SETDB1: variants seen among roughly 807,000 people sequenced by gnomAD.
The protein encoded by SETDB1 is histone-lysine N-methyltransferase SETDB1.
A neutral mutation model predicts 137.4 loss-of-function variants in SETDB1; 31 were observed. The ratio of observed to expected loss-of-function variants is 0.23; its 90% CI spans 0.17 to 0.30. The LOEUF (loss-of-function observed/expected upper bound fraction) is 0.30, where lower values mean the gene tolerates loss of function less well. Among genes scored for constraint, SETDB1 ranks in the 10% least tolerant of loss-of-function variants. SETDB1 has a pLI of 1.00. For synonymous variants in SETDB1, 548 were observed against 579.9 expected, an observed-to-expected ratio of 0.95 and a Z score of 0.79; for missense variants, 1,113 against 1,631.5, an observed-to-expected ratio of 0.68 and a Z score of 5.47.
chr1:150,951,493 A>G lies in SETDB1; in HGVS notation c.2333+12A>G, dbSNP rs868447720. ...TGTCTACCCACAGGGTAAGTGGTCA[A>G]GGAATGGCACAGTACCTCAGAGAGA... On this transcript the variant is annotated intron_variant, in intron 14 of 21. Transcript: ENST00000692827. 5 of 1,365,186 alleles carry G rather than the reference A, an allele frequency of 3.7e-6. No homozygotes were observed. The highest frequency in any genetic ancestry group is 3.5e-5 in the South Asian group (3 of 86,094). 84.6% of individuals were successfully genotyped at this position (1,365,186 alleles called of 1,614,324 possible).
chr1:150,953,468 G>A (rs113414948), intron 14 of SETDB1, among the ~76,000 whole-genome samples: 7 of 151,782 alleles, frequency 4.6e-5, no homozygotes, highest in African/African-American at 1.7e-4. Flanking sequence ...GGAGGTTGCA[G>A]TGAGCCAAGA....
At chr1:150,963,199 A>G in intron 19 of SETDB1, 60 bp downstream of exon 19, 1 of 1,491,512 alleles carries the variant, frequency 6.7e-7, no homozygotes, top group South Asian at 1.2e-5. Flanking sequence ...GGGATAGAGC[A>G]TTTTTTAAGG....
At chr1:150,951,901 A>G (rs1670498319) in intron 14 of SETDB1, among the ~76,000 whole-genome samples, 1 of 152,178 alleles carries the variant, frequency 6.6e-6, no homozygotes, top group Admixed American at 6.6e-5. Flanking sequence ...TAATCCCAGC[A>G]CTTTCGGAGG....
intron 10 of SETDB1, 146 bp downstream of exon 10, chr1:150,947,158 G>T (rs1670355797): frequency 2.1e-6 from 2 of 949,884 alleles, no homozygotes; most frequent in Non-Finnish European, 3.1e-6. Flanking sequence ...TCCAATCATG[G>T]TGATCAATTT....
At chr1:150,937,526 G>A (rs1392121084) in intron 3 of SETDB1, among the ~76,000 whole-genome samples, 1 of 152,140 alleles carries the variant, frequency 6.6e-6, no homozygotes, top group Non-Finnish European at 1.5e-5. Flanking sequence ...GTTGAGGCAG[G>A]TGGATCATTT....
At chr1:150,947,097 C>T (rs1670354745) in intron 10 of SETDB1, 85 bp downstream of exon 10, 2 of 1,498,126 alleles carry the variant, frequency 1.3e-6, no homozygotes, top group African/African-American at 1.4e-5. Flanking sequence ...CTTTGATTAG[C>T]ATGGTTACAC....
At chr1:150,929,012 G>A (rs1359049811) in intron 2 of SETDB1, among the ~76,000 whole-genome samples, 1 of 152,172 alleles carries the variant, frequency 6.6e-6, no homozygotes, top group Non-Finnish European at 1.5e-5. Context: ...ATTTGGGTTG[G>A]TTTAAAGTCT....
chr1:150,962,807 G>C, intron 18 of SETDB1, 88 bp downstream of exon 18: 1 of 1,497,148 alleles, frequency 6.7e-7, no homozygotes. Flanking sequence ...TTACTGTTAG[G>C]TCTTCTCCTA....
chr1:150,929,419 C>T (rs1052842906), intron 2 of SETDB1, among the ~76,000 whole-genome samples: 5 of 151,336 alleles, frequency 3.3e-5, no homozygotes, highest in Admixed American at 1.3e-4. Flanking sequence ...CTCTGTCTCA[C>T]CCAGGCTGGA....
intron 4 of SETDB1, among the ~76,000 whole-genome samples, chr1:150,940,569 GAAAA>G (rs750914457): frequency 8.6e-6 from 1 of 116,956 alleles, no homozygotes; most frequent in African/African-American, 3.2e-5. Context: ...CTCTGTCTCA[GAAAA>G]AAAAAAAAAA....
intron 10 of SETDB1, among the ~76,000 whole-genome samples, chr1:150,948,870 C>T (rs1670411590): frequency 1.3e-5 from 2 of 151,162 alleles, no homozygotes; most frequent in South Asian, 4.2e-4. Flanking sequence ...AGATGTGCAC[C>T]ACCATGCCCA....
intron 5 of SETDB1, among the ~76,000 whole-genome samples, 173 bp from the exon 6 acceptor site, chr1:150,942,390 G>T (rs1670192056): frequency 6.6e-6 from 1 of 150,544 alleles, no homozygotes; most frequent in South Asian, 2.1e-4. Flanking sequence ...GGAGGTTCCA[G>T]TGAGCCAAGA....
chr1:150,938,971 T>TA (rs1670041335), intron 3 of SETDB1, among the ~76,000 whole-genome samples: 1 of 151,974 alleles, frequency 6.6e-6, no homozygotes, highest in Non-Finnish European at 1.5e-5. Context: ...CCACTGGTCT[T>TA]ACGCTGCACC....
At position 150,962,143 on chromosome 1, in the gene SETDB1, G is replaced by A. The variant is rs148408413; in HGVS notation, c.3146G>A (p.Arg1049Gln). The change falls in exon 17 of 22, where the codon CGA becomes CAA. Residue 1049 changes from arginine (R) to glutamine (Q), a missense_variant. By Grantham distance (43) the Arg-to-Gln change is conservative (BLOSUM62 1). Around this residue, in one of 11 missense-constraint regions of SETDB1, gnomAD observed 373 missense variants for 412.7 expected, o/e 0.90. Coordinates refer to ENST00000692827, the MANE Select transcript of SETDB1 (RefSeq NM_001366418.1). ...KQAKKEDTDD[R>Q]NKMSVVTESS... ...GTTCTTTTCCAGGACACTGACGACCGAAACAAGATGTCAGTGTAAGTGCCT... is the reference window on the plus strand; with the variant it reads ...GTTCTTTTCCAGGACACTGACGACCAAAACAAGATGTCAGTGTAAGTGCCT... 4.3e-6 allele frequency: 7 copies of A among 1,613,996 alleles called. No homozygotes were observed. Among genetic ancestry groups the A allele is most frequent in the South Asian group, 2.2e-5 (2 of 91,074 alleles).
rs758240482 is a variant in SETDB1, at chr1:150,962,142, C to G, written c.3145C>G (p.Arg1049Gly). ...KQAKKEDTDD[R>G]NKMSVVTESS... Reference sequence around the variant, plus strand: ...TGTTCTTTTCCAGGACACTGACGACCGAAACAAGATGTCAGTGTAAGTGCC... The same window carrying G: ...TGTTCTTTTCCAGGACACTGACGACGGAAACAAGATGTCAGTGTAAGTGCC... The change falls in exon 17 of 22, where the codon CGA becomes GGA. Residue 1049 changes from arginine (R) to glycine (G), a missense_variant. This residue lies in a region of SETDB1 where 373 missense variants were observed against 412.7 expected (regional missense o/e 0.90). Transcript: ENST00000692827. 3 of 1,613,856 alleles carry G rather than the reference C, an allele frequency of 1.9e-6. No individual in the cohort carries two copies. The highest frequency in any genetic ancestry group is 8.5e-7 in the Non-Finnish European group (1 of 1,179,942).
intron 5 of SETDB1, 125 bp downstream of exon 5, chr1:150,941,553 C>T (rs1402246509): frequency 3.3e-6 from 2 of 606,376 alleles, no homozygotes; most frequent in South Asian, 2.1e-5. Context: ...GTTATGAAAT[C>T]CCAGTTACAT....
chr1:150,946,492 A>G (rs1464311532), intron 9 of SETDB1, among the ~76,000 whole-genome samples: 1 of 152,136 alleles, frequency 6.6e-6, no homozygotes, highest in African/African-American at 2.4e-5. Flanking sequence ...CCTGTTGCCC[A>G]GGCTGGAGTA....
chr1:150,949,118 A>G lies in SETDB1; in HGVS notation c.1268-4A>G, dbSNP rs369296633. 2.8e-5 allele frequency: 45 copies of G among 1,611,042 alleles called. No individual in the cohort carries two copies. The African/African-American group carries it at 5.2e-4, about 19-fold the overall frequency. ...CTCAGTGCTCAATTTCCTTTTTCCT[A>G]TAGGTGCTGTGAGGAGCAAAGGCCC... On this transcript the variant is annotated splice_polypyrimidine_tract_variant and splice_region_variant and intron_variant, in intron 10 of 21. Transcript: ENST00000692827.
intron 14 of SETDB1, among the ~76,000 whole-genome samples, chr1:150,952,565 TTTTTG>T (rs1386251195): frequency 6.6e-6 from 1 of 152,076 alleles, no homozygotes; most frequent in Non-Finnish European, 1.5e-5. Context: ...TGAAATTCAG[TTTTTG>T]TTTTGGCCAT....
Sources: gnomAD v4.1 joint callset for allele counts (sites outside exome capture counted in the v4.1 genomes callset) on GRCh38, gnomAD v4.1.1 for gene constraint, gnomAD v4.1.1 regional missense constraint, MANE v1.5 for transcripts, NCBI Gene and HGNC (gene_info 2026-07-23, HGNC 2026-07-21) for gene names.